Variants in AGBL1 observed in about 807,000 individuals in gnomAD.
AGBL1 encodes the protein AGBL carboxypeptidase 1.
Under a neutral mutation model 118.9 loss-of-function variants are expected in AGBL1, and 130 were observed. That is an observed-to-expected ratio of 1.09 (90% CI 0.95 to 1.26). The LOEUF is 1.26. Ranked by LOEUF, AGBL1 falls within the 50% of genes most tolerant of loss-of-function variation. AGBL1 has a pLI of 0.00. For missense variants in AGBL1, 1,584 were observed against 1,298.1 expected (o/e 1.22, Z -3.38); for synonymous variants, 555 against 478.9 (o/e 1.16, Z -2.08).
At chr15:86,824,484 C>A (rs1032243252) in intron 22 of AGBL1, among the ~76,000 whole-genome samples, 1 of 151,684 alleles carries the variant, frequency 6.6e-6, no homozygotes, top group Non-Finnish European at 1.5e-5. Flanking sequence ...TTGGAAAACT[C>A]TATATAGTAA....
chr15:86,987,579 G>T (rs549916013), intron 23 of AGBL1, among the ~76,000 whole-genome samples: 1 of 152,168 alleles, frequency 6.6e-6, no homozygotes, highest in African/African-American at 2.4e-5. Context: ...ATCAGGTTGA[G>T]AAATTTTCCC....
chr15:86,160,838 G>T (rs1440452789), intron 5 of AGBL1, among the ~76,000 whole-genome samples: 1 of 152,112 alleles, frequency 6.6e-6, no homozygotes, highest in African/African-American at 2.4e-5. Context: ...GCTCCCCTAG[G>T]AAGCTCTTCC....
chr15:86,537,342 C>T (rs528674039), intron 19 of AGBL1, among the ~76,000 whole-genome samples: 7 of 152,342 alleles, frequency 4.6e-5, no homozygotes, highest in African/African-American at 1.7e-4. Flanking sequence ...TCGAGAACTT[C>T]AGTACCTGCA....
intron 24 of AGBL1, among the ~76,000 whole-genome samples, chr15:86,991,617 A>T (rs2081336388): frequency 6.6e-6 from 1 of 152,144 alleles, no homozygotes; most frequent in South Asian, 2.1e-4. Flanking sequence ...GGGACCATGG[A>T]GGGCTCTGAG....
chr15:86,667,242 GTATGTATGTATGTATC>G (rs1567111844), intron 21 of AGBL1, among the ~76,000 whole-genome samples: 3,958 of 112,876 alleles, frequency 0.035, 165 homozygotes, highest in African/African-American at 0.11. Flanking sequence ...ATGTATGTAT[GTATGTATGTATGTATC>G]TATCTATCTA....
chr15:86,806,692 T>C (rs1050167568), intron 22 of AGBL1, among the ~76,000 whole-genome samples: 1 of 151,998 alleles, frequency 6.6e-6, no homozygotes, highest in Admixed American at 6.6e-5. Context: ...TGAATTAATT[T>C]ATGTATAAAA....
intron 19 of AGBL1, among the ~76,000 whole-genome samples, chr15:86,542,746 A>G (rs573099056): frequency 2.0e-5 from 3 of 152,230 alleles, no homozygotes; most frequent in Admixed American, 2.0e-4. Context: ...ACCACCAAAG[A>G]CAGGAGGGAT....
At chr15:86,765,696 C>G (rs1555447939) in intron 22 of AGBL1, among the ~76,000 whole-genome samples, 3 of 151,654 alleles carry the variant, frequency 2.0e-5, no homozygotes, top group Non-Finnish European at 4.4e-5. Context: ...TAGACTTCGG[C>G]TTTTTTTTAA....
At chr15:86,637,996 T>A (rs982708527) in intron 21 of AGBL1, among the ~76,000 whole-genome samples, 1 of 152,150 alleles carries the variant, frequency 6.6e-6, no homozygotes, top group Non-Finnish European at 1.5e-5. Flanking sequence ...GTTTTTTCCA[T>A]CCCTGTGTAT....
intron 23 of AGBL1, among the ~76,000 whole-genome samples, chr15:86,958,164 C>G (rs1358896877): frequency 6.7e-6 from 1 of 150,230 alleles, no homozygotes; most frequent in Non-Finnish European, 1.5e-5. Context: ...ATGATTGTGC[C>G]ACTGCACTCC....
chr15:86,227,580 G>A (rs146287656), intron 6 of AGBL1, among the ~76,000 whole-genome samples: 1 of 152,228 alleles, frequency 6.6e-6, no homozygotes, highest in African/African-American at 2.4e-5. Context: ...ATCCCCCATG[G>A]GGGGTGGACA....
intron 18 of AGBL1, among the ~76,000 whole-genome samples, chr15:86,425,240 G>A (rs2081852528): frequency 1.3e-5 from 2 of 152,076 alleles, no homozygotes; most frequent in Non-Finnish European, 2.9e-5. Flanking sequence ...GTCCTTTGCA[G>A]GACATGGATG....
intron 1 of AGBL1, among the ~76,000 whole-genome samples, chr15:86,101,087 A>T (rs982049168): frequency 6.6e-6 from 1 of 152,024 alleles, no homozygotes; most frequent in African/African-American, 2.4e-5. Context: ...GTTTCAAGAA[A>T]TTTTTTTATT....
chr15:86,442,772 C>T (rs2082079803), intron 18 of AGBL1, among the ~76,000 whole-genome samples: 1 of 152,206 alleles, frequency 6.6e-6, no homozygotes, highest in Admixed American at 6.5e-5. Flanking sequence ...TCGTCATAGG[C>T]ATCCTGGCCT....
chr15:86,212,384 C>T (rs770305693), intron 5 of AGBL1, among the ~76,000 whole-genome samples: 16 of 152,034 alleles, frequency 1.1e-4, no homozygotes, highest in African/African-American at 1.5e-4. Context: ...ACTCAGGAAG[C>T]GGGGGAGCTG....
rs746459650 is a variant in AGBL1 at position 86,571,064 on chromosome 15, C to T, written c.2994+16527C>T. Among the ~76,000 whole-genome samples, 6 of 152,236 alleles carry T rather than the reference C, an allele frequency of 3.9e-5. 1 individual carries two copies. Among genetic ancestry groups the T allele is most frequent in the Middle Eastern group, 6.8e-3 (2 of 294 alleles). ...GCTGGCATGGACACGGGCTCTTGGC[C>T]GAGCTGTGGCTGGACCGGCTACACC... On this transcript the variant is annotated intron_variant, in intron 21 of 22. Transcript: ENST00000614907.
At chr15:86,391,313 G>A (rs1334602246) in intron 17 of AGBL1, among the ~76,000 whole-genome samples, 1 of 152,110 alleles carries the variant, frequency 6.6e-6, no homozygotes, top group Non-Finnish European at 1.5e-5. Context: ...AATGCACAAT[G>A]CATAAAATGT....
In AGBL1 at chr15:86,705,771, A is replaced by C. The variant is rs540461999; in HGVS notation, c.3158+31335A>C. On this transcript the variant is annotated intron_variant, in intron 22 of 22. Transcript: ENST00000614907. ...TCTTTGAGGTGCATTCATCTGATCAAAATTCTCACAGAGCACATCAAGGTG... is the reference window on the plus strand; with the variant it reads ...TCTTTGAGGTGCATTCATCTGATCACAATTCTCACAGAGCACATCAAGGTG... Among the ~76,000 whole-genome samples the C allele has an allele frequency of 2.0e-5, 3 of 152,318 alleles. No homozygotes were observed. The East Asian group carries it at 5.8e-4, about 29-fold the overall frequency.
intron 22 of AGBL1, among the ~76,000 whole-genome samples, chr15:86,785,760 G>GA (rs2078403723): frequency 1.3e-5 from 2 of 152,146 alleles, no homozygotes. Context: ...GAAGTTAGGA[G>GA]AAAATCACAA....
Sources: gnomAD v4.1 joint callset for allele counts (sites outside exome capture counted in the v4.1 genomes callset) on GRCh38, gnomAD v4.1.1 for gene constraint, MANE v1.5 for transcripts, NCBI Gene and HGNC (gene_info 2026-07-23, HGNC 2026-07-21) for gene names.